CNNM2: variants seen among roughly 807,000 people sequenced by gnomAD.
CNNM2 encodes the protein metal transporter CNNM2.
In CNNM2, 12 loss-of-function variants were observed where a neutral mutation model predicts 66.9. The ratio of observed to expected loss-of-function variants is 0.18; its 90% CI spans 0.11 to 0.29. CNNM2 has a LOEUF of 0.29. Among genes scored for constraint, CNNM2 ranks in the 10% least tolerant of loss-of-function variants. The pLI is 1.00. For missense variants in CNNM2, 705 were observed against 1,167.7 expected (o/e 0.60, Z 5.77); for synonymous variants, 557 against 501.8 (o/e 1.11, Z -1.47).
At chr10:102,974,735 C>A (rs1393157943) in intron 1 of CNNM2, among the ~76,000 whole-genome samples, 1 of 152,064 alleles carries the variant, frequency 6.6e-6, no homozygotes, top group Non-Finnish European at 1.5e-5. Flanking sequence ...CAGGGTCTCA[C>A]CATCGAGCCC....
At chr10:102,950,178 C>T (rs1404427767) in intron 1 of CNNM2, among the ~76,000 whole-genome samples, 1 of 152,068 alleles carries the variant, frequency 6.6e-6, no homozygotes, top group Non-Finnish European at 1.5e-5. Flanking sequence ...GGTAATATTT[C>T]CTGAACAAGA....
chr10:103,068,406 A>G, intron 4 of CNNM2: 1 of 468,406 alleles, frequency 2.1e-6, no homozygotes, highest in Non-Finnish European at 3.8e-6. Context: ...AATAAACATC[A>G]CATTTACACT....
chr10:102,974,850 C>G (rs746918781), intron 1 of CNNM2, among the ~76,000 whole-genome samples: 1 of 152,174 alleles, frequency 6.6e-6, no homozygotes, highest in Non-Finnish European at 1.5e-5. Context: ...CTATTTTATT[C>G]TGTATTGGGG....
At chr10:103,036,860 A>G (rs962104966) in intron 1 of CNNM2, among the ~76,000 whole-genome samples, 19 of 152,346 alleles carry the variant, frequency 1.2e-4, no homozygotes, top group African/African-American at 4.6e-4. Flanking sequence ...TTTACCAAGG[A>G]AACTATTAAA....
intron 1 of CNNM2, among the ~76,000 whole-genome samples, chr10:102,969,168 G>C (rs1464945925): frequency 2.0e-5 from 3 of 152,012 alleles, no homozygotes; most frequent in African/African-American, 7.2e-5. Flanking sequence ...GCCCACCTCA[G>C]CCTCCCAAAG....
chr10:102,926,970 C>T (rs1311982439), intron 1 of CNNM2, among the ~76,000 whole-genome samples: 6 of 152,012 alleles, frequency 3.9e-5, no homozygotes, highest in East Asian at 1.9e-4. Context: ...CTGCCTTCCT[C>T]GGCCTCCTGA....
intron 4 of CNNM2, 24 bp downstream of exon 4, chr10:103,056,988 G>T (rs1564864618): frequency 6.3e-7 from 1 of 1,597,784 alleles, no homozygotes; most frequent in Non-Finnish European, 8.5e-7. Flanking sequence ...TTCAATAGTG[G>T]TTTGCTCTCA....
chr10:102,923,804 TG>T (rs1845747337), intron 1 of CNNM2, among the ~76,000 whole-genome samples: 1 of 152,246 alleles, frequency 6.6e-6, no homozygotes, highest in African/African-American at 2.4e-5. Context: ...AACAATGTGC[TG>T]TACTAATGTG....
chr10:102,948,614 T>A (rs1349326169), intron 1 of CNNM2, among the ~76,000 whole-genome samples: 1 of 152,184 alleles, frequency 6.6e-6, no homozygotes, highest in Non-Finnish European at 1.5e-5. Flanking sequence ...GTTCCAGGAT[T>A]TCTTCTAAGA....
At chr10:102,923,773 C>T (rs759291220) in intron 1 of CNNM2, among the ~76,000 whole-genome samples, 1 of 152,168 alleles carries the variant, frequency 6.6e-6, no homozygotes, top group Non-Finnish European at 1.5e-5. Flanking sequence ...CATCAAGATT[C>T]ATTTTGGAAA....
chr10:102,970,435 A>G (rs1281793915), intron 1 of CNNM2, among the ~76,000 whole-genome samples: 4 of 152,242 alleles, frequency 2.6e-5, no homozygotes, highest in Non-Finnish European at 5.9e-5. Flanking sequence ...CTTTTGTGCT[A>G]TAAGGGCAAG....
intron 1 of CNNM2, among the ~76,000 whole-genome samples, chr10:102,952,918 G>T (rs1231235938): frequency 6.6e-6 from 1 of 152,184 alleles, no homozygotes; most frequent in Non-Finnish European, 1.5e-5. Context: ...TAAGAACTCT[G>T]TATGTTGGTG....
chr10:102,928,449 G>A (rs1845952624), intron 1 of CNNM2, among the ~76,000 whole-genome samples: 1 of 152,096 alleles, frequency 6.6e-6, no homozygotes, highest in South Asian at 2.1e-4. Flanking sequence ...AGCTGTGGTG[G>A]TGGGCGCCTG....
intron 4 of CNNM2, among the ~76,000 whole-genome samples, chr10:103,067,299 C>T (rs2065495566): frequency 6.6e-6 from 1 of 151,982 alleles, no homozygotes; most frequent in South Asian, 2.1e-4. Flanking sequence ...AACTCCTGGG[C>T]TCAAGCAATT....
rs1926034 is a variant in CNNM2 at position 103,069,345 on chromosome 10, G to A, written c.2167+623G>A. Among the ~76,000 whole-genome samples the A allele has an allele frequency of 0.4, 60,304 of 151,932 alleles. 12,152 individuals carry two copies. The highest frequency in any genetic ancestry group is 0.55 in the East Asian group (2,816 of 5,156). Reference sequence around the variant, plus strand: ...TGCTGGGTGCGCACCTGGGACTGGCGCTACGTGTCAGAGGGTGTGCCTCTG... The same window carrying A: ...TGCTGGGTGCGCACCTGGGACTGGCACTACGTGTCAGAGGGTGTGCCTCTG... On this transcript the variant is annotated intron_variant, in intron 5 of 7. Transcript: ENST00000369878.
chr10:103,022,718 G>T (rs962730263), intron 1 of CNNM2, among the ~76,000 whole-genome samples: 1 of 152,134 alleles, frequency 6.6e-6, no homozygotes, highest in African/African-American at 2.4e-5. Flanking sequence ...ACCTGAGACT[G>T]GGTAATTTAT....
At chr10:102,958,740 G>A (rs1350450621) in intron 1 of CNNM2, among the ~76,000 whole-genome samples, 1 of 151,912 alleles carries the variant, frequency 6.6e-6, no homozygotes, top group Non-Finnish European at 1.5e-5. Context: ...AAAGTGCTGG[G>A]ATTATAGGTG....
At chr10:102,920,188 C>G (rs1005861792) in intron 1 of CNNM2, 87 bp downstream of exon 1, 23 of 1,610,920 alleles carry the variant, frequency 1.4e-5, no homozygotes, top group Non-Finnish European at 1.9e-5. Flanking sequence ...AGACCAACCC[C>G]CCAAGGCGAG....
intron 7 of CNNM2, among the ~76,000 whole-genome samples, chr10:103,076,739 T>C (rs996342133): frequency 6.6e-6 from 1 of 152,224 alleles, no homozygotes; most frequent in African/African-American, 2.4e-5. Context: ...AACCAGTCTC[T>C]ATTTTCTAGT....
Sources: gnomAD v4.1 joint callset for allele counts (sites outside exome capture counted in the v4.1 genomes callset) on GRCh38, gnomAD v4.1.1 for gene constraint, MANE v1.5 for transcripts, NCBI Gene and HGNC (gene_info 2026-07-23, HGNC 2026-07-21) for gene names.